The following PCYT1B variants were observed in gnomAD, a reference collection of about 807,000 sequenced individuals.
PCYT1B encodes the protein phosphate cytidylyltransferase 1B, choline.
In PCYT1B, 10 loss-of-function variants were observed where a neutral mutation model predicts 26.4. The ratio of observed to expected loss-of-function variants is 0.38; its 90% CI spans 0.23 to 0.64. PCYT1B has a LOEUF of 0.64. Among genes scored for constraint, PCYT1B ranks in the 30% least tolerant of loss-of-function variants. The probability of loss-of-function intolerance (pLI) is 0.56; values close to 1 mark genes in which losing one functional copy is unlikely to be tolerated. For synonymous variants in PCYT1B, 131 were observed against 108.4 expected (o/e 1.21, Z -1.29); for missense variants, 161 against 292.7 (o/e 0.55, Z 3.28).
intron 3 of PCYT1B, among the ~76,000 whole-genome samples, chrX:24,607,335 G>A (rs779045285): frequency 8.9e-6 from 1 of 112,522 alleles, no homozygotes; most frequent in East Asian, 2.8e-4. Context: ...AGAAATAGAC[G>A]ATGACCTTGT....
intron 7 of PCYT1B, among the ~76,000 whole-genome samples, chrX:24,573,053 T>C (rs1448998193): frequency 2.8e-5 from 3 of 106,450 alleles, no homozygotes; most frequent in African/African-American, 6.9e-5. Context: ...TACACACACA[T>C]ATATTCACAC....
intron 2 of PCYT1B, among the ~76,000 whole-genome samples, chrX:24,617,150 C>T (rs1390081050): frequency 8.9e-6 from 1 of 111,952 alleles, no homozygotes; most frequent in African/African-American, 3.2e-5. Context: ...TGAACCACTG[C>T]CACTTAGTAG....
At chrX:24,630,288 T>TTTTG (rs1292446988) in intron 1 of PCYT1B, among the ~76,000 whole-genome samples, 3 of 111,393 alleles carry the variant, frequency 2.7e-5, no homozygotes, top group African/African-American at 6.5e-5. Flanking sequence ...TTTTGATGTT[T>TTTTG]TTTGTTTGTT....
chrX:24,621,837 A>T, intron 1 of PCYT1B: 3 of 731,129 alleles, frequency 4.1e-6, no homozygotes, highest in Non-Finnish European at 1.6e-6. Context: ...AGAGGAGATA[A>T]GGTGTTGCCA....
intron 1 of PCYT1B, among the ~76,000 whole-genome samples, chrX:24,624,210 C>T (rs1388419343): frequency 2.7e-5 from 3 of 110,932 alleles, no homozygotes; most frequent in Non-Finnish European, 5.7e-5. Context: ...ACCTCGTGAT[C>T]CGCCCGCCTT....
exon 1 of PCYT1B, chrX:24,672,571 T>C: frequency 8.3e-7 from 1 of 1,201,167 alleles, no homozygotes; most frequent in South Asian, 1.8e-5. Flanking sequence ...TCACATTACC[T>C]TGCGCCACAA....
intron 3 of PCYT1B, among the ~76,000 whole-genome samples, chrX:24,605,490 A>G (rs1157584356): frequency 9.0e-6 from 1 of 111,601 alleles, no homozygotes; most frequent in East Asian, 2.8e-4. Context: ...ACTACTACAT[A>G]TTTACTTGTT....
rs754072106 is a variant in PCYT1B at position 24,562,113 on chromosome X, T to A, written c.*180A>T. The stretch of plus-strand genomic sequence containing the variant: ...GAAGTCTCTGCACCTCGCCCAACTC[T>A]TCAGCTGTACGGAGAGTGAGAGAGA... On this transcript the variant is annotated 3_prime_UTR_variant, in exon 8 of 8. Coordinates refer to ENST00000379144, the MANE Select transcript of PCYT1B (RefSeq NM_004845.5). The A allele has an allele frequency of 1.5e-5, 18 of 1,209,336 alleles. No homozygotes were observed. In the Admixed American group the frequency reaches 3.9e-4, roughly 26 times the overall value.
intron 1 of PCYT1B, among the ~76,000 whole-genome samples, chrX:24,669,501 GAAAAAAAAAAA>G (rs60562762): frequency 6.3e-5 from 2 of 31,550 alleles, no homozygotes; most frequent in East Asian, 1.1e-3. Context: ...CTTCGTCTCA[GAAAAAAAAAAA>G]AAAAAAAAAA....
At chrX:24,577,989 A>C (rs936113144) in intron 6 of PCYT1B, among the ~76,000 whole-genome samples, 5 of 110,920 alleles carry the variant, frequency 4.5e-5, no homozygotes, top group African/African-American at 1.6e-4. Flanking sequence ...TCCTGAGGGA[A>C]TCTAAGTCAC....
At chrX:24,582,862 T>G (rs1052182323) in intron 5 of PCYT1B, among the ~76,000 whole-genome samples, 1 of 112,069 alleles carries the variant, frequency 8.9e-6, no homozygotes, top group African/African-American at 3.2e-5. Context: ...TCTCCCATGA[T>G]GAATTCTGGC....
intron 2 of PCYT1B, among the ~76,000 whole-genome samples, chrX:24,608,293 A>G (rs1379378731): frequency 9.0e-6 from 1 of 111,622 alleles, no homozygotes; most frequent in Admixed American, 9.5e-5. Flanking sequence ...ATGTACTGGA[A>G]TCTGTTCACA....
At position 24,593,450 on chromosome X, in the gene PCYT1B, CT is replaced by C. The variant is rs1410804348; in HGVS notation, c.335-3277del. On this transcript the variant is annotated intron_variant, in intron 3 of 7. Coordinates refer to ENST00000379144, the MANE Select transcript of PCYT1B (RefSeq NM_004845.5). The stretch of plus-strand genomic sequence containing the variant: ...TTTCTTTCCTTTCTTTCTTTCTTTT[CT>C]TTTCTTTTCTTTTCTTTTCTTTTCT... Among the ~76,000 whole-genome samples, 18 of 6,680 alleles carry C rather than the reference CT, an allele frequency of 2.7e-3. 1 individual carries two copies. The highest frequency in any genetic ancestry group is 7.7e-3 in the Admixed American group (3 of 389). 5.8% of individuals were successfully genotyped at this position (6,680 alleles called of 115,157 possible).
intron 6 of PCYT1B, among the ~76,000 whole-genome samples, chrX:24,575,551 T>C (rs868431672): frequency 8.9e-6 from 1 of 112,563 alleles, no homozygotes; most frequent in African/African-American, 3.2e-5. Context: ...CAAGTGGTTT[T>C]AATATCTTCT....
chrX:24,649,124 C>G (rs929501928), upstream of PCYT1B, among the ~76,000 whole-genome samples: 1 of 111,037 alleles, frequency 9.0e-6, no homozygotes, highest in African/African-American at 3.3e-5. Flanking sequence ...ATGCTTCCTA[C>G]CCTATTTGCC....
intron 1 of PCYT1B, among the ~76,000 whole-genome samples, chrX:24,619,988 T>C (rs1366127767): frequency 8.8e-6 from 1 of 113,010 alleles, no homozygotes; most frequent in African/African-American, 3.2e-5. Flanking sequence ...GTCTTTGAAC[T>C]GTGCCGTGAT....
intron 1 of PCYT1B, among the ~76,000 whole-genome samples, chrX:24,634,296 T>A (rs894489118): frequency 8.9e-6 from 1 of 111,965 alleles, no homozygotes; most frequent in African/African-American, 3.2e-5. Flanking sequence ...CTAAAGGGAA[T>A]GTGAAAGTTG....
At chrX:24,594,439 C>T (rs1430216823) in intron 3 of PCYT1B, among the ~76,000 whole-genome samples, 1 of 111,425 alleles carries the variant, frequency 9.0e-6, no homozygotes, top group Non-Finnish European at 1.9e-5. Context: ...AAATGGATTT[C>T]AGATTCATCC....
intron 5 of PCYT1B, among the ~76,000 whole-genome samples, chrX:24,582,056 A>C (rs1924222813): frequency 8.9e-6 from 1 of 112,399 alleles, no homozygotes; most frequent in Non-Finnish European, 1.9e-5. Flanking sequence ...AACCATCTAA[A>C]CACACGAACA....
Sources: allele counts gnomAD v4.1 joint callset (sites outside exome capture counted in the v4.1 genomes callset), GRCh38; gene constraint gnomAD v4.1.1; transcripts MANE v1.5; gene names NCBI Gene and HGNC (gene_info 2026-07-23, HGNC 2026-07-21).